The following THSD7B variants were observed in gnomAD, a reference collection of about 807,000 sequenced individuals.
THSD7B encodes the protein thrombospondin type-1 domain-containing protein 7B.
THSD7B carries 138 observed loss-of-function variants against 213.6 expected under a neutral mutation model. That is an observed-to-expected ratio of 0.65 (90% CI 0.56 to 0.74). The LOEUF is 0.74. THSD7B is among the 30% of genes least tolerant of loss of function. The probability of loss-of-function intolerance (pLI) is 0.00; values close to 1 mark genes in which losing one functional copy is unlikely to be tolerated. For missense variants in THSD7B, 1,931 were observed against 1,991.5 expected (o/e 0.97, Z 0.58); for synonymous variants, 742 against 687.0 (o/e 1.08, Z -1.25).
intron 14 of THSD7B, among the ~76,000 whole-genome samples, chr2:137,415,998 T>G (rs1395663100): frequency 6.6e-6 from 1 of 152,204 alleles, no homozygotes; most frequent in Non-Finnish European, 1.5e-5. Flanking sequence ...TAAAAATGTC[T>G]TTTATTTATT....
intron 7 of THSD7B, among the ~76,000 whole-genome samples, chr2:137,191,124 T>G (rs887033652): frequency 6.6e-6 from 1 of 152,182 alleles, no homozygotes; most frequent in Admixed American, 6.5e-5. Context: ...GCAGAGGTGC[T>G]GATGATAACC....
At chr2:136,840,419 G>A (rs78890454) in intron 1 of THSD7B, among the ~76,000 whole-genome samples, 3,044 of 151,968 alleles carry the variant, frequency 0.02, 97 homozygotes, top group African/African-American at 0.068. Context: ...GAAAGAAATC[G>A]CCAGTTCTCT....
At chr2:136,976,314 A>G (rs1186004094) in intron 2 of THSD7B, among the ~76,000 whole-genome samples, 2 of 152,184 alleles carry the variant, frequency 1.3e-5, no homozygotes, top group Admixed American at 6.5e-5. Flanking sequence ...TTTGTCATAA[A>G]TGAATCTTAT....
At chr2:137,367,610 C>T (rs1685450655) in intron 12 of THSD7B, among the ~76,000 whole-genome samples, 1 of 152,136 alleles carries the variant, frequency 6.6e-6, no homozygotes, top group Non-Finnish European at 1.5e-5. Flanking sequence ...TATTAGTCTG[C>T]TTCAGAGGGC....
rs536506665 is a variant in THSD7B at position 136,863,032 on chromosome 2, T to C, written c.-35-19112T>C. Among the ~76,000 whole-genome samples, 295 of 152,356 alleles carry C rather than the reference T, an allele frequency of 1.9e-3. 1 individual carries two copies. The highest frequency in any genetic ancestry group is 3.4e-3 in the Non-Finnish European group (231 of 68,032). On this transcript the variant is annotated intron_variant, in intron 1 of 27. Transcript: ENST00000409968. The stretch of plus-strand genomic sequence containing the variant: ...CACTTTAGTTCACAATATTCCCTTG[T>C]TTGATATTCTGTGTGTTTCCCCATG...
intron 1 of THSD7B, among the ~76,000 whole-genome samples, chr2:136,835,381 A>G (rs940544902): frequency 6.6e-6 from 1 of 152,230 alleles, no homozygotes; most frequent in Non-Finnish European, 1.5e-5. Flanking sequence ...AAGGTTATTA[A>G]CATTAGCTTG....
chr2:136,927,379 T>A (rs1684555793), intron 2 of THSD7B, among the ~76,000 whole-genome samples: 1 of 152,226 alleles, frequency 6.6e-6, no homozygotes, highest in South Asian at 2.1e-4. Context: ...GCAAGAATAT[T>A]AAGAAATGGT....
chr2:137,408,279 C>A (rs886660767), intron 13 of THSD7B, among the ~76,000 whole-genome samples: 1 of 152,064 alleles, frequency 6.6e-6, no homozygotes, highest in African/African-American at 2.4e-5. Context: ...CATTATTTTT[C>A]TTTTTTCTCC....
chr2:137,316,976 A>G (rs902911995), intron 12 of THSD7B, among the ~76,000 whole-genome samples: 2 of 152,188 alleles, frequency 1.3e-5, no homozygotes, highest in Non-Finnish European at 2.9e-5. Flanking sequence ...CTGTATTTCA[A>G]GAGTAAAAGT....
chr2:137,471,492 G>A (rs1688094302), intron 15 of THSD7B, among the ~76,000 whole-genome samples: 1 of 151,856 alleles, frequency 6.6e-6, no homozygotes, highest in Admixed American at 6.6e-5. Context: ...TCTTCACACT[G>A]TGGTTTGCAC....
intron 1 of THSD7B, among the ~76,000 whole-genome samples, chr2:136,855,602 A>ATTTATTAT (rs111285205): frequency 1.2e-3 from 23 of 19,328 alleles, no homozygotes; most frequent in African/African-American, 2.4e-3. Flanking sequence ...TTATTTATTT[A>ATTTATTAT]TTATTTATTT....
At chr2:137,191,132 AC>A (rs1435020215) in intron 7 of THSD7B, among the ~76,000 whole-genome samples, 1 of 152,056 alleles carries the variant, frequency 6.6e-6, no homozygotes, top group Non-Finnish European at 1.5e-5. Flanking sequence ...GCTGATGATA[AC>A]CCCTGCAGGT....
chr2:137,245,682 A>G (rs997592968), intron 10 of THSD7B, among the ~76,000 whole-genome samples: 1 of 152,126 alleles, frequency 6.6e-6, no homozygotes, highest in African/African-American at 2.4e-5. Context: ...ACAACTGGAT[A>G]CTCTAAACCC....
intron 15 of THSD7B, among the ~76,000 whole-genome samples, chr2:137,529,075 G>A (rs1302259923): frequency 6.6e-6 from 1 of 152,052 alleles, no homozygotes; most frequent in Non-Finnish European, 1.5e-5. Context: ...GTGATAGGGA[G>A]ATATTAAATC....
intron 8 of THSD7B, among the ~76,000 whole-genome samples, chr2:137,231,729 C>T (rs971135427): frequency 6.6e-6 from 1 of 152,150 alleles, no homozygotes; most frequent in Non-Finnish European, 1.5e-5. Context: ...GGGGGCACAT[C>T]ATGGAGGCTG....
In THSD7B at chr2:136,902,294, G is replaced by A. The variant is rs372135252; in HGVS notation, c.139+19977G>A. Among the ~76,000 whole-genome samples, 195 of 152,320 alleles carry A rather than the reference G, an allele frequency of 1.3e-3. 4 individuals carry two copies. The South Asian group carries it at 0.039, about 31-fold the overall frequency. ...GAACTTTGATGTCAGAACTGACACC[G>A]GAGATTAGCGAAAAGTACAATTTAT... On this transcript the variant is annotated intron_variant, in intron 2 of 27. Transcript: ENST00000409968.
chr2:137,636,586 CTATT>C (rs1456615172), intron 20 of THSD7B, among the ~76,000 whole-genome samples: 1 of 152,100 alleles, frequency 6.6e-6, no homozygotes, highest in Non-Finnish European at 1.5e-5. Flanking sequence ...ATATTTTTTA[CTATT>C]TATTTAAAAT....
At chr2:137,085,761 G>A (rs778126595) in intron 3 of THSD7B, among the ~76,000 whole-genome samples, 12 of 152,012 alleles carry the variant, frequency 7.9e-5, no homozygotes, top group Non-Finnish European at 1.0e-4. Flanking sequence ...AAAAATATGC[G>A]AGCATAGATT....
chr2:137,281,100 G>A (rs529162701), intron 12 of THSD7B, among the ~76,000 whole-genome samples: 57 of 152,130 alleles, frequency 3.7e-4, no homozygotes, highest in African/African-American at 1.3e-3. Context: ...TGAACTATCT[G>A]TAGTCTTTTT....
Sources: gnomAD v4.1 joint callset for allele counts (sites outside exome capture counted in the v4.1 genomes callset) on GRCh38, gnomAD v4.1.1 for gene constraint, MANE v1.5 for transcripts, NCBI Gene and HGNC (gene_info 2026-07-23, HGNC 2026-07-21) for gene names.